Variants in WDR70 observed in about 807,000 individuals in gnomAD.
WDR70 encodes WD repeat domain 70.
Under a neutral mutation model 88.6 loss-of-function variants are expected in WDR70, and 53 were observed. The observed-to-expected ratio is 0.60, with a 90% CI of 0.48 to 0.75. The LOEUF (loss-of-function observed/expected upper bound fraction) is 0.75, where lower values mean the gene tolerates loss of function less well. Among genes scored for constraint, WDR70 ranks in the 30% least tolerant of loss-of-function variants. WDR70 has a pLI of 0.00. For missense variants in WDR70, 610 were observed against 823.2 expected (o/e 0.74, Z 3.17); for synonymous variants, 280 against 270.0 (o/e 1.04, Z -0.36).
Position 37,679,727 on chromosome 5 carries a change from C to T in WDR70, c.1093-17928C>T, listed in dbSNP as rs375868154. 6.6e-5 allele frequency among the ~76,000 whole-genome samples: 10 copies of T among 152,210 alleles called. 1 individual carries two copies. The East Asian group carries it at 1.5e-3, about 23-fold the overall frequency. On this transcript the variant is annotated intron_variant, in intron 10 of 17. Coordinates refer to ENST00000265107, the MANE Select transcript of WDR70 (RefSeq NM_018034.4). ...GGCAGTCTGCCCGTTCTCAGATCTC[C>T]AGCTGCGTGCTGGGAGAACCACTGG...
intron 13 of WDR70, among the ~76,000 whole-genome samples, chr5:37,711,403 A>T (rs1747507994): frequency 6.6e-6 from 1 of 152,204 alleles, no homozygotes; most frequent in Non-Finnish European, 1.5e-5. Flanking sequence ...TTCCCTAAAG[A>T]GTTCATTTCT....
chr5:37,525,133 T>C (rs1741221875), intron 9 of WDR70, among the ~76,000 whole-genome samples: 1 of 152,190 alleles, frequency 6.6e-6, no homozygotes. Context: ...GTGGACCTTA[T>C]AGACATCTAC....
intron 13 of WDR70, among the ~76,000 whole-genome samples, chr5:37,719,041 G>C (rs947027372): frequency 6.6e-6 from 1 of 152,208 alleles, no homozygotes; most frequent in Non-Finnish European, 1.5e-5. Flanking sequence ...AAGACTAAAA[G>C]AGATGAGTCT....
chr5:37,441,155 A>T (rs1277114315), intron 6 of WDR70, among the ~76,000 whole-genome samples: 5 of 152,206 alleles, frequency 3.3e-5, no homozygotes, highest in Non-Finnish European at 7.3e-5. Context: ...AGGAGGGAAG[A>T]AGGATAGCAT....
intron 5 of WDR70, among the ~76,000 whole-genome samples, chr5:37,435,429 G>A (rs538086724): frequency 6.6e-6 from 1 of 152,114 alleles, no homozygotes; most frequent in Non-Finnish European, 1.5e-5. Flanking sequence ...AGATTATTCA[G>A]TGTAGGAATA....
At chr5:37,441,071 A>G (rs1750638926) in intron 6 of WDR70, among the ~76,000 whole-genome samples, 1 of 152,184 alleles carries the variant, frequency 6.6e-6, no homozygotes, top group South Asian at 2.1e-4. Flanking sequence ...TTGTAATTTT[A>G]TATTGTGTTG....
At chr5:37,700,574 TGTTAATGGATAGCTTTAC>T (rs1747128261) in intron 11 of WDR70, 1 of 153,106 alleles carries the variant, frequency 6.5e-6, no homozygotes, top group South Asian at 2.1e-4. Flanking sequence ...CCCTTATTAA[TGTTAATGGATAGCTTTAC>T]CCATACACCA....
At chr5:37,535,984 G>A (rs1741655425) in intron 9 of WDR70, among the ~76,000 whole-genome samples, 1 of 152,186 alleles carries the variant, frequency 6.6e-6, no homozygotes, top group Non-Finnish European at 1.5e-5. Flanking sequence ...TTTTATATAA[G>A]TAATGGATAC....
At chr5:37,709,445 A>T (rs1747449381) in intron 13 of WDR70, among the ~76,000 whole-genome samples, 1 of 152,216 alleles carries the variant, frequency 6.6e-6, no homozygotes, top group African/African-American at 2.4e-5. Context: ...CAGCCAAGTG[A>T]TAGGACAGTA....
intron 4 of WDR70, among the ~76,000 whole-genome samples, chr5:37,395,315 T>A (rs1172616040): frequency 4.6e-5 from 7 of 152,152 alleles, no homozygotes; most frequent in East Asian, 1.9e-4. Flanking sequence ...TGCCCTAGAC[T>A]CTCAAGCCCG....
chr5:37,462,449 C>T (rs2112107811), intron 7 of WDR70, among the ~76,000 whole-genome samples: 1 of 152,220 alleles, frequency 6.6e-6, no homozygotes, highest in African/African-American at 2.4e-5. Flanking sequence ...ACTACAGGCG[C>T]CTGCCATGAC....
intron 10 of WDR70, among the ~76,000 whole-genome samples, chr5:37,678,425 T>C (rs1294984724): frequency 6.6e-6 from 1 of 152,222 alleles, no homozygotes; most frequent in Non-Finnish European, 1.5e-5. Flanking sequence ...AGGGCAGGCC[T>C]GGTGGTGACA....
intron 10 of WDR70, among the ~76,000 whole-genome samples, chr5:37,686,951 AAATAATAAT>A (rs70978838): frequency 0.19 from 26,881 of 142,968 alleles, 2,974 homozygotes; most frequent in Admixed American, 0.34. Context: ...CTCTGTCTCA[AAATAATAAT>A]AATAATAATA....
At chr5:37,586,069 C>A (rs999287807) in intron 9 of WDR70, among the ~76,000 whole-genome samples, 3 of 152,222 alleles carry the variant, frequency 2.0e-5, no homozygotes, top group African/African-American at 7.2e-5. Context: ...TCCTTCAAAT[C>A]TACCTTACAA....
At chr5:37,709,817 AT>A (rs1434034466) in intron 13 of WDR70, among the ~76,000 whole-genome samples, 1 of 149,826 alleles carries the variant, frequency 6.7e-6, no homozygotes, top group Non-Finnish European at 1.5e-5. Flanking sequence ...TGCCTTCATA[AT>A]TTGGACTACA....
chr5:37,464,608 A>G (rs376261608), intron 7 of WDR70, among the ~76,000 whole-genome samples: 1 of 152,208 alleles, frequency 6.6e-6, no homozygotes, highest in Non-Finnish European at 1.5e-5. Context: ...GGCCTCTGAG[A>G]TTAAGATCCA....
intron 10 of WDR70, among the ~76,000 whole-genome samples, chr5:37,638,476 C>A (rs1343774114): frequency 6.6e-6 from 1 of 152,150 alleles, no homozygotes; most frequent in Non-Finnish European, 1.5e-5. Flanking sequence ...TGCATACATG[C>A]ACGCACATGC....
intron 10 of WDR70, among the ~76,000 whole-genome samples, chr5:37,649,334 A>G (rs1264735894): frequency 6.6e-6 from 1 of 151,856 alleles, no homozygotes; most frequent in African/African-American, 2.4e-5. Flanking sequence ...TTGGAAGAGT[A>G]TGAGTATCAT....
intron 10 of WDR70, among the ~76,000 whole-genome samples, chr5:37,607,169 C>G (rs1744055098): frequency 6.6e-6 from 1 of 151,724 alleles, no homozygotes; most frequent in African/African-American, 2.4e-5. Context: ...TCTCAAACTC[C>G]TGGCCTCAGG....
Sources: allele counts gnomAD v4.1 joint callset (sites outside exome capture counted in the v4.1 genomes callset), GRCh38; gene constraint gnomAD v4.1.1; transcripts MANE v1.5; gene names NCBI Gene and HGNC (gene_info 2026-07-23, HGNC 2026-07-21).